Variants in PARD3 observed in about 807,000 individuals in gnomAD.
The protein encoded by PARD3 is partitioning defective 3 homolog.
PARD3 carries 75 observed loss-of-function variants against 155.4 expected under a neutral mutation model. The ratio of observed to expected loss-of-function variants is 0.48; its 90% confidence interval spans 0.40 to 0.58. PARD3 has a LOEUF of 0.58. Ranked by LOEUF, PARD3 falls within the 20% of genes least tolerant of loss-of-function variation. PARD3 has a pLI of 0.00. For synonymous variants in PARD3, 576 were observed against 610.5 expected, an observed-to-expected ratio of 0.94 and a Z score of 0.83; for missense variants, 1,642 against 1,721.7, an observed-to-expected ratio of 0.95 and a Z score of 0.82.
chr10:34,418,822 G>A (rs1677771995), intron 5 of PARD3, among the ~76,000 whole-genome samples: 1 of 152,120 alleles, frequency 6.6e-6, no homozygotes, highest in African/African-American at 2.4e-5. Context: ...TCAGACTGGA[G>A]TGCAGTGGCA....
intron 2 of PARD3, among the ~76,000 whole-genome samples, chr10:34,523,399 T>C (rs2082273186): frequency 6.6e-6 from 1 of 152,216 alleles, no homozygotes; most frequent in Non-Finnish European, 1.5e-5. Flanking sequence ...TGTCAATATA[T>C]GCAATTGTTT....
chr10:34,240,883 A>C (rs537203879), intron 22 of PARD3, among the ~76,000 whole-genome samples: 1 of 152,244 alleles, frequency 6.6e-6, no homozygotes, highest in South Asian at 2.1e-4. Flanking sequence ...GTGCACCACC[A>C]AACAAAGAGA....
At chr10:34,687,844 A>ATTTTTTTTTTT (rs1564509050) in intron 2 of PARD3, among the ~76,000 whole-genome samples, 2 of 57,360 alleles carry the variant, frequency 3.5e-5, no homozygotes, top group Admixed American at 2.0e-4. Flanking sequence ...TACACCTGAA[A>ATTTTTTTTTTT]TCTTTTTTTT....
intron 2 of PARD3, among the ~76,000 whole-genome samples, chr10:34,557,629 C>T (rs890604640): frequency 1.3e-5 from 2 of 152,118 alleles, no homozygotes; most frequent in African/African-American, 4.8e-5. Flanking sequence ...CAGGCGTCCG[C>T]CACCATGCCT....
intron 3 of PARD3, among the ~76,000 whole-genome samples, chr10:34,511,504 T>C (rs929088931): frequency 7.2e-5 from 11 of 152,266 alleles, no homozygotes; most frequent in East Asian, 1.9e-4. Context: ...CATCCTCACA[T>C]GTAGGAAGGT....
intron 21 of PARD3, among the ~76,000 whole-genome samples, chr10:34,275,775 C>T (rs142397247): frequency 2.2e-3 from 336 of 152,224 alleles, no homozygotes; most frequent in Middle Eastern, 3.4e-3. Context: ...GAGTATCTTG[C>T]AGTTGAGCCC....
rs148399492 is a variant in PARD3 at position 34,733,638 on chromosome 10, C to G, written c.121-37219G>C. On this transcript the variant is annotated intron_variant, in intron 1 of 24. Coordinates refer to ENST00000374788, the MANE Select transcript of PARD3 (RefSeq NM_001184785.2). ...AGCTGAGATTACAGGCGTGTGCCAC[C>G]AAACCCAGCTAATTTTTATATTTTT... is the stretch of plus-strand genomic sequence containing the variant. Among the ~76,000 whole-genome samples the G allele has an allele frequency of 7.1e-3, 1,077 of 152,310 alleles. 14 individuals are homozygous for G. Among genetic ancestry groups the G allele is most frequent in the African/African-American group, 0.025 (1,049 of 41,566 alleles).
chr10:34,434,647 T>C (rs2076101384), intron 5 of PARD3, among the ~76,000 whole-genome samples: 1 of 152,164 alleles, frequency 6.6e-6, no homozygotes, highest in African/African-American at 2.4e-5. Context: ...TGCAGTGTTG[T>C]GTAGTGACCC....
intron 3 of PARD3, among the ~76,000 whole-genome samples, chr10:34,478,906 C>A (rs985393103): frequency 1.3e-5 from 2 of 152,086 alleles, no homozygotes; most frequent in African/African-American, 4.8e-5. Flanking sequence ...AAATCTATAC[C>A]ATTACAATTC....
At chr10:34,729,231 T>A (rs1216852589) in intron 1 of PARD3, among the ~76,000 whole-genome samples, 1 of 152,210 alleles carries the variant, frequency 6.6e-6, no homozygotes, top group East Asian at 1.9e-4. Flanking sequence ...CCTACGCTTT[T>A]AAAGATATGA....
At chr10:34,599,281 A>G (rs891531188) in intron 2 of PARD3, among the ~76,000 whole-genome samples, 1 of 152,208 alleles carries the variant, frequency 6.6e-6, no homozygotes, top group African/African-American at 2.4e-5. Flanking sequence ...CAGACACATG[A>G]GGGTTAAACA....
At chr10:34,467,642 G>A (rs1408178326) in intron 4 of PARD3, among the ~76,000 whole-genome samples, 1 of 151,470 alleles carries the variant, frequency 6.6e-6, no homozygotes, top group African/African-American at 2.5e-5. Flanking sequence ...AGCTACTTGG[G>A]AGGCTGAGGC....
At position 34,552,924 on chromosome 10, in the gene PARD3, ATAACAG is replaced by A. The variant is rs1458654876; in HGVS notation, c.223-35771_223-35766del. 2.0e-5 allele frequency among the ~76,000 whole-genome samples: 3 copies of A among 152,210 alleles called. No homozygotes were observed. In the South Asian group the frequency reaches 6.2e-4, roughly 31 times the overall value. ...GTAATTACTTTTGCACCAACCTAATATAACAGTAACACCAACTGAAACTACGTCAAT... is the reference window on the plus strand; with the variant it reads ...GTAATTACTTTTGCACCAACCTAATATAACACCAACTGAAACTACGTCAAT... On this transcript the variant is annotated intron_variant, in intron 2 of 24. Transcript: ENST00000374788.
chr10:34,767,422 G>A (rs1838236039), intron 1 of PARD3, among the ~76,000 whole-genome samples: 1 of 151,914 alleles, frequency 6.6e-6, no homozygotes, highest in Admixed American at 6.5e-5. Context: ...CAGCTCAGGA[G>A]GTGCACATCC....
intron 5 of PARD3, among the ~76,000 whole-genome samples, chr10:34,430,175 C>CTA (rs2075831099): frequency 6.6e-6 from 1 of 152,202 alleles, no homozygotes; most frequent in African/African-American, 2.4e-5. Flanking sequence ...GAATTATTGG[C>CTA]TATATGGTAT....
intron 1 of PARD3, among the ~76,000 whole-genome samples, chr10:34,719,651 C>T (rs1405018204): frequency 6.6e-6 from 1 of 152,188 alleles, no homozygotes; most frequent in African/African-American, 2.4e-5. Flanking sequence ...CAGATTATTT[C>T]AGTATAACCC....
chr10:34,585,603 G>C (rs559573250), intron 2 of PARD3, among the ~76,000 whole-genome samples: 1 of 149,298 alleles, frequency 6.7e-6, no homozygotes, highest in Non-Finnish European at 1.5e-5. Flanking sequence ...TCTGTGCACA[G>C]AAAGTGAAAA....
rs529896809 is a variant in PARD3, at chr10:34,128,305, C to T, written c.3540+3158G>A. Reference sequence around the variant, plus strand: ...CTTACTCCTTTCTCCTCCTCCCCTGCCTATTCAATCTGAAGACAATGGAGA... The same window carrying T: ...CTTACTCCTTTCTCCTCCTCCCCTGTCTATTCAATCTGAAGACAATGGAGA... On this transcript the variant is annotated intron_variant, in intron 23 of 24. Coordinates refer to ENST00000374788, the MANE Select transcript of PARD3 (RefSeq NM_001184785.2). Among the ~76,000 whole-genome samples the T allele has an allele frequency of 5.3e-4, 80 of 152,252 alleles. 1 individual carries two copies. The South Asian group carries it at 0.01, about 19-fold the overall frequency.
At chr10:34,512,661 A>G (rs2081469818) in intron 3 of PARD3, among the ~76,000 whole-genome samples, 1 of 152,200 alleles carries the variant, frequency 6.6e-6, no homozygotes, top group African/African-American at 2.4e-5. Flanking sequence ...GTGAATATAC[A>G]CAGGAGTTTT....
Sources: gnomAD v4.1 joint callset for allele counts (sites outside exome capture counted in the v4.1 genomes callset) on GRCh38, gnomAD v4.1.1 for gene constraint, MANE v1.5 for transcripts, NCBI Gene and HGNC (gene_info 2026-07-23, HGNC 2026-07-21) for gene names.